CLSTN3: variants seen among roughly 807,000 people sequenced by gnomAD.
CLSTN3 encodes the protein calsyntenin-3.
A neutral mutation model predicts 95.9 loss-of-function variants in CLSTN3; 36 were observed. That is an observed-to-expected ratio of 0.38 (90% confidence interval 0.29 to 0.50). The LOEUF is 0.50. Among genes scored for constraint, CLSTN3 ranks in the 20% least tolerant of loss-of-function variants. The probability of loss-of-function intolerance (pLI) is 0.95; values close to 1 mark genes in which losing one functional copy is unlikely to be tolerated. For synonymous variants in CLSTN3, 481 were observed against 504.0 expected, an observed-to-expected ratio of 0.95 and a Z score of 0.61; for missense variants, 1,084 against 1,268.8, an observed-to-expected ratio of 0.85 and a Z score of 2.21.
rs1005568619 is a variant in CLSTN3 at position 7,157,010 on chromosome 12, C to T, written c.2528-479C>T. On this transcript the variant is annotated intron_variant, in intron 16 of 17. Coordinates refer to ENST00000266546, the MANE Select transcript of CLSTN3 (RefSeq NM_014718.4). This position sits in a 1 kb window ranked among gnomAD's most constrained non-coding sequence, Gnocchi z 5.9. ...GCTAGTGCCCTCTTCCTGCAGCCAG[C>T]CCAGGCCTGGAGCCTGCATCTCCTC... The T allele has an allele frequency of 1.1e-5, 4 of 361,312 alleles. No individual in the cohort carries two copies. The highest frequency in any genetic ancestry group is 3.7e-5 in the Admixed American group (1 of 26,778). 22.4% of individuals were successfully genotyped at this position (361,312 alleles called of 1,614,324 possible).
At chr12:7,143,341 C>A in intron 12 of CLSTN3, 30 bp downstream of exon 12, 2 of 1,591,846 alleles carry the variant, frequency 1.3e-6, no homozygotes, top group South Asian at 1.1e-5. Context: ...GGGCAAATCA[C>A]CAAGCAGAGC....
At chr12:7,145,609 A>C (rs17198514) in intron 12 of CLSTN3, among the ~76,000 whole-genome samples, 17,851 of 151,454 alleles carry the variant, frequency 0.12, 1,322 homozygotes, top group South Asian at 0.23. Context: ...TTACTTGTGG[A>C]ATTGACCCCT....
chr12:7,149,276 G>A lies in CLSTN3; in HGVS notation c.2074+78G>A. 7.7e-7 allele frequency: 1 copy of A among 1,305,964 alleles called. No homozygotes were observed. The allele number at this position is 1,305,964 out of a possible 1,614,324, so 80.9% of individuals were successfully genotyped here. A position where few individuals can be genotyped will look rare whatever the true frequency, so the allele number is the denominator to read the frequency against. On this transcript the variant is annotated intron_variant, in intron 13 of 17. Transcript: ENST00000266546. This position sits in a 1 kb window ranked among gnomAD's most constrained non-coding sequence, Gnocchi z 4.5. ...AGTCAGAGTGTGGGAGAACTCCTGG[G>A]GCTGGAAGCAGAAAGCGACTCCATC...
chr12:7,137,795 T>TGTGTGTGTGTGAGAGAGA lies in CLSTN3; in HGVS notation c.1211-159_1211-158insTGTGTGTGTGAGAGAGAG, dbSNP rs768487238. Among the ~76,000 whole-genome samples the TGTGTGTGTGTGAGAGAGA allele has an allele frequency of 5.7e-5, 4 of 70,606 alleles. No individual in the cohort carries two copies. The highest frequency in any genetic ancestry group is 1.5e-4 in the African/African-American group (3 of 19,392). The allele number at this position is 70,606 out of a possible 152,430, so 46.3% of individuals were successfully genotyped here. A position where few individuals can be genotyped will look rare whatever the true frequency, so the allele number is the denominator to read the frequency against. ...GTGTGTGTGTGTGTGTGTGTGTGTG[T>TGTGTGTGTGTGAGAGAGA]GAGAGAGAGAGAGAGAGAGAGAGAG... On this transcript the variant is annotated intron_variant, in intron 7 of 17. Transcript: ENST00000266546. This position sits in a 1 kb window ranked among gnomAD's most constrained non-coding sequence, Gnocchi z 4.4.
At position 7,133,698 on chromosome 12, in the gene CLSTN3, C is replaced by T. The variant is rs139728882; in HGVS notation, c.313C>T (p.His105Tyr). ...TGTGGACTGCGAGGCCCAGAAGGAA[C>T]ACACCTTCACCATCCAGGCCTATGA... ...EPVDCEAQKE[H>Y]TFTIQAYDCG... The change falls in exon 3 of 18, where the codon CAC (histidine) becomes TAC (tyrosine). Residue 105 changes from histidine (H) to tyrosine (Y), a missense_variant. His to Tyr is a moderately conservative substitution (Grantham distance 83). Coordinates refer to ENST00000266546, the MANE Select transcript of CLSTN3 (RefSeq NM_014718.4). The surrounding 1 kb of genome is among the most constrained non-coding windows in gnomAD (Gnocchi z 4.7). The T allele has an allele frequency of 5.0e-6, 8 of 1,613,786 alleles. No individual in the cohort carries two copies. In the African/African-American group the frequency reaches 9.3e-5, roughly 19 times the overall value.
chr12:7,157,355 C>T lies in CLSTN3; in HGVS notation c.2528-134C>T. 1.4e-6 allele frequency: 1 copy of T among 720,184 alleles called. No homozygotes were observed. Among genetic ancestry groups the T allele is most frequent in the Non-Finnish European group, 2.2e-6 (1 of 459,024 alleles). The allele number at this position is 720,184 out of a possible 1,614,324, so 44.6% of individuals were successfully genotyped here. On this transcript the variant is annotated intron_variant, in intron 16 of 17. Transcript: ENST00000266546. The surrounding 1 kb of genome is among the most constrained non-coding windows in gnomAD (Gnocchi z 5.9). ...TCTTCTGGCTTCTCCAGGTGTTCCT[C>T]TCTTCTCGGCCACCGTGTGTTCTGC...
At chr12:7,145,322 A>C (rs746266466) in intron 12 of CLSTN3, among the ~76,000 whole-genome samples, 32 of 148,910 alleles carry the variant, frequency 2.1e-4, no homozygotes, top group Middle Eastern at 3.4e-3. Context: ...TACTTCCCTG[A>C]GGTCACGGGA....
At chr12:7,136,802 C>A (rs763705492) in intron 6 of CLSTN3, 27 bp from the exon 7 acceptor site, 28 of 1,609,232 alleles carry the variant, frequency 1.7e-5, no homozygotes, top group Admixed American at 3.3e-5. Flanking sequence ...TTGGCTCTGA[C>A]ACTTGTGCCT....
chr12:7,129,817 G>C (rs1404351564), upstream of CLSTN3: 1 of 985,616 alleles, frequency 1.0e-6, no homozygotes, highest in Non-Finnish European at 1.2e-6. The surrounding 1 kb of genome is among the most constrained non-coding windows in gnomAD (Gnocchi z 5.5). Flanking sequence ...GGAGGCGGCC[G>C]GTCCCGACAG....
chr12:7,130,619 G>C lies in CLSTN3; in HGVS notation c.-30G>C. The C allele has an allele frequency of 6.4e-7, 1 of 1,554,952 alleles. No homozygotes were observed. Among genetic ancestry groups the C allele is most frequent in the South Asian group, 1.2e-5 (1 of 84,454 alleles). ...CTGGAGGCTCCCAGGGGAGGCAAAC[G>C]CCTGGCCCTGCCCTGCCCCACGCCG... On this transcript the variant is annotated 5_prime_UTR_variant, in exon 1 of 18. Coordinates refer to ENST00000266546, the MANE Select transcript of CLSTN3 (RefSeq NM_014718.4).
chr12:7,158,418 C>A lies in CLSTN3; in HGVS notation c.*337C>A. 7.4e-6 allele frequency: 1 copy of A among 134,740 alleles called. No individual in the cohort carries two copies. The highest frequency in any genetic ancestry group is 1.6e-5 in the Non-Finnish European group (1 of 62,684). The allele number at this position is 134,740 out of a possible 1,614,324, so 8.3% of individuals were successfully genotyped here. A position where few individuals can be genotyped will look rare whatever the true frequency, so the allele number is the denominator to read the frequency against. Reference sequence around the variant, plus strand: ...TGTGTTGGGGAGAGGGTGACGATTGCAATGGCTGGGGCTGGGGCTGGGGGT... The same window carrying A: ...TGTGTTGGGGAGAGGGTGACGATTGAAATGGCTGGGGCTGGGGCTGGGGGT... On this transcript the variant is annotated 3_prime_UTR_variant, in exon 18 of 18. Transcript: ENST00000266546.
chr12:7,140,999 T>A (rs1377092717), intron 8 of CLSTN3, among the ~76,000 whole-genome samples: 3 of 152,216 alleles, frequency 2.0e-5, no homozygotes, highest in African/African-American at 7.2e-5. Context: ...CTTAGGAATA[T>A]TTATAGCTTT....
rs938038664 is a variant in CLSTN3, at chr12:7,150,465, G to T, written c.2246-79G>T. ...CTCTACAGCTTGTGTGGCGTCAGCT[G>T]GTGGGAGTCCAGGAGAGAGGGTCCT... is the stretch of plus-strand genomic sequence containing the variant. On this transcript the variant is annotated intron_variant, in intron 14 of 17. Transcript: ENST00000266546. This position sits in a 1 kb window ranked among gnomAD's most constrained non-coding sequence, Gnocchi z 4.0. 2.0e-6 allele frequency: 3 copies of T among 1,521,082 alleles called. No individual in the cohort carries two copies. The highest frequency in any genetic ancestry group is 1.8e-6 in the Non-Finnish European group (2 of 1,122,002). The allele number at this position is 1,521,082 out of a possible 1,614,324, so 94.2% of individuals were successfully genotyped here.
At position 7,135,636 on chromosome 12, in the gene CLSTN3, C is replaced by A; in HGVS notation, c.592+101C>A. The stretch of plus-strand genomic sequence containing the variant: ...CATTCTCCACTTTTGCCCCTCAGAC[C>A]CTCACCTCACCCTTCTTCCCAAATG... On this transcript the variant is annotated intron_variant, in intron 4 of 17. Coordinates refer to ENST00000266546, the MANE Select transcript of CLSTN3 (RefSeq NM_014718.4). The A allele has an allele frequency of 2.2e-6, 3 of 1,375,570 alleles. No individual in the cohort carries two copies. In the South Asian group the frequency reaches 3.8e-5, roughly 17 times the overall value. The allele number at this position is 1,375,570 out of a possible 1,614,324, so 85.2% of individuals were successfully genotyped here. A position where few individuals can be genotyped will look rare whatever the true frequency, so the allele number is the denominator to read the frequency against.
intron 16 of CLSTN3, among the ~76,000 whole-genome samples, chr12:7,151,607 T>C (rs1010406354): frequency 6.6e-6 from 1 of 152,220 alleles, no homozygotes; most frequent in Non-Finnish European, 1.5e-5. Context: ...TACATTCAGA[T>C]GGAGTGCTGC....
intron 16 of CLSTN3, chr12:7,156,801 A>C: frequency 2.2e-6 from 1 of 456,072 alleles, no homozygotes; most frequent in South Asian, 1.6e-5. Context: ...CAGGGCCAGA[A>C]GCATGGGAGA....
At chr12:7,135,627 C>A in intron 4 of CLSTN3, 92 bp downstream of exon 4, 1 of 1,405,612 alleles carries the variant, frequency 7.1e-7, no homozygotes, top group Admixed American at 1.7e-5. Context: ...CCACTTTTGC[C>A]CCTCAGACCC....
chr12:7,137,933 C>T lies in CLSTN3; in HGVS notation c.1211-22C>T, dbSNP rs1316507798. 6.3e-7 allele frequency: 1 copy of T among 1,592,786 alleles called. No homozygotes were observed. The highest frequency in any genetic ancestry group is 1.3e-5 in the African/African-American group (1 of 74,466). ...TGGCCTCAGCCTCTGCACTTGACCC[C>T]ATCCCCTTCCTGTGCCCTCAGAGGA... is the stretch of plus-strand genomic sequence containing the variant. On this transcript the variant is annotated intron_variant, in intron 7 of 17. Transcript: ENST00000266546. The surrounding 1 kb of genome is among the most constrained non-coding windows in gnomAD (Gnocchi z 4.4).
In CLSTN3 at chr12:7,133,129, C is replaced by T; in HGVS notation, c.170C>T (p.Ala57Val). 1 of 1,614,088 alleles carries T rather than the reference C, an allele frequency of 6.2e-7. No individual in the cohort carries two copies. The highest frequency in any genetic ancestry group is 8.5e-7 in the Non-Finnish European group (1 of 1,180,004). The change falls in exon 2 of 18, where the codon GCC becomes GTC. Residue 57 changes from alanine (A) to valine (V), a missense_variant. Transcript: ENST00000266546. This position sits in a 1 kb window ranked among gnomAD's most constrained non-coding sequence, Gnocchi z 4.7. Reference sequence around the variant, plus strand: ...CCACTCTTTGCCTTGGACAAGGATGCCCCGCTGCGCTATGCAGGTAATTGG... The same window carrying T: ...CCACTCTTTGCCTTGGACAAGGATGTCCCGCTGCGCTATGCAGGTAATTGG... ...NPPLFALDKD[A>V]PLRYAGEICG... is the part of the protein sequence containing the mutation.
Sources: gnomAD v4.1 joint callset for allele counts (sites outside exome capture counted in the v4.1 genomes callset) on GRCh38, gnomAD v4.1.1 for gene constraint, Gnocchi (gnomAD v3.1) non-coding constraint, MANE v1.5 for transcripts, NCBI Gene and HGNC (gene_info 2026-07-23, HGNC 2026-07-21) for gene names.